Variants in CDH4 observed in about 807,000 individuals in gnomAD.
CDH4 encodes the protein cadherin 4.
CDH4 carries 33 observed loss-of-function variants against 86.0 expected under a neutral mutation model. The observed-to-expected ratio is 0.38, with a 90% CI of 0.29 to 0.51. CDH4 has a LOEUF of 0.51. CDH4 is among the 20% of genes least tolerant of loss of function. The probability of loss-of-function intolerance (pLI) is 0.86; values close to 1 mark genes in which losing one functional copy is unlikely to be tolerated. For missense variants in CDH4, 1,114 were observed against 1,307.4 expected, an observed-to-expected ratio of 0.85 and a Z score of 2.28; for synonymous variants, 555 against 549.4, an observed-to-expected ratio of 1.01 and a Z score of -0.14.
chr20:61,456,290 A>G (rs2085406492), intron 2 of CDH4, among the ~76,000 whole-genome samples: 1 of 152,266 alleles, frequency 6.6e-6, no homozygotes, highest in African/African-American at 2.4e-5. Flanking sequence ...TGTGTTGGCA[A>G]CATGGCGGGT....
rs2087888687 is a variant in CDH4, at chr20:61,711,187, T to C, written c.170-32376T>C. Among the ~76,000 whole-genome samples, 2 of 152,102 alleles carry C rather than the reference T, an allele frequency of 1.3e-5. 1 individual carries two copies. The highest frequency in any genetic ancestry group is 4.2e-4 in the South Asian group (2 of 4,812). ...TGAAACCTGCTGGTTTTATAAGGGG[T>C]TCTTCCCCCTTCACCCAGCACTTCT... is the stretch of plus-strand genomic sequence containing the variant. On this transcript the variant is annotated intron_variant, in intron 2 of 15. Coordinates refer to ENST00000614565, the MANE Select transcript of CDH4 (RefSeq NM_001794.5).
Position 61,932,981 on chromosome 20 carries a change from A to G in CDH4, c.2240-4A>G, listed in dbSNP as rs113364336. 2,300 of 1,610,640 alleles carry G rather than the reference A, an allele frequency of 1.4e-3. 26 individuals are homozygous for G. In the African/African-American group the frequency reaches 0.025, roughly 18 times the overall value. On this transcript the variant is annotated splice_region_variant and splice_polypyrimidine_tract_variant and intron_variant, in intron 13 of 15. Coordinates refer to ENST00000614565, the MANE Select transcript of CDH4 (RefSeq NM_001794.5). The stretch of plus-strand genomic sequence containing the variant: ...CCCTGCTCACGGGCAGCCCTCCCCC[A>G]CAGCCATGGTCCTGCTGTTTGTCAT...
At chr20:61,449,718 C>A (rs2085369965) in intron 2 of CDH4, among the ~76,000 whole-genome samples, 1 of 152,164 alleles carries the variant, frequency 6.6e-6, no homozygotes, top group South Asian at 2.1e-4. Context: ...CCTTTTCTAG[C>A]CTTTATCACT....
intron 3 of CDH4, among the ~76,000 whole-genome samples, chr20:61,755,436 C>A (rs960143897): frequency 5.5e-5 from 8 of 145,862 alleles, no homozygotes; most frequent in African/African-American, 1.8e-4. Context: ...ACGTCACACA[C>A]CACACACACA....
At chr20:61,565,151 A>ATGGGGTGGTGATGGTG (rs1568688178) in intron 2 of CDH4, among the ~76,000 whole-genome samples, 1 of 67,514 alleles carries the variant, frequency 1.5e-5, no homozygotes, top group East Asian at 3.9e-4. Flanking sequence ...TGGTGTTGGT[A>ATGGGGTGGTGATGGTG]GTGGTCCTCT....
chr20:61,521,950 G>A (rs2145628120), intron 2 of CDH4, among the ~76,000 whole-genome samples: 1 of 152,348 alleles, frequency 6.6e-6, no homozygotes, highest in South Asian at 2.1e-4. Context: ...TGCCACAAGT[G>A]AGCATAGATC....
intron 5 of CDH4, among the ~76,000 whole-genome samples, chr20:61,851,471 A>G (rs1019453717): frequency 6.6e-6 from 1 of 152,154 alleles, no homozygotes; most frequent in African/African-American, 2.4e-5. Context: ...CATGTGAGGC[A>G]GGCCACCAAG....
rs191520008 is a variant in CDH4 at position 61,686,412 on chromosome 20, C to T, written c.170-57151C>T. On this transcript the variant is annotated intron_variant, in intron 2 of 15. Transcript: ENST00000614565. ...GTGTGTGCATTCACGTGTGTATGTG[C>T]CTGTACATTTGCGTGTGTATGTGCG... Among the ~76,000 whole-genome samples the T allele has an allele frequency of 3.6e-3, 528 of 147,202 alleles. 2 individuals carry two copies. Among genetic ancestry groups the T allele is most frequent in the Non-Finnish European group, 6.1e-3 (404 of 66,706 alleles).
intron 3 of CDH4, among the ~76,000 whole-genome samples, chr20:61,752,962 T>C (rs546606790): frequency 4.6e-5 from 7 of 152,220 alleles, no homozygotes; most frequent in Non-Finnish European, 5.9e-5. Context: ...ATCATTTTTT[T>C]AGCTGGTGTT....
At chr20:61,348,189 A>G (rs1270469175) in intron 2 of CDH4, among the ~76,000 whole-genome samples, 1 of 152,214 alleles carries the variant, frequency 6.6e-6, no homozygotes, top group Non-Finnish European at 1.5e-5. Flanking sequence ...GCAGTTCCAC[A>G]TGGCTTGGAA....
chr20:61,711,127 A>T (rs996902941), intron 2 of CDH4, among the ~76,000 whole-genome samples: 4 of 152,190 alleles, frequency 2.6e-5, no homozygotes, highest in Non-Finnish European at 5.9e-5. Context: ...GCGATAGTGA[A>T]TGAGTTCTCA....
At chr20:61,888,219 C>A (rs1036221341) in intron 7 of CDH4, among the ~76,000 whole-genome samples, 23 of 152,186 alleles carry the variant, frequency 1.5e-4, no homozygotes, top group Admixed American at 2.6e-4. Flanking sequence ...TGAAATGAGA[C>A]TCCGCAGGCA....
intron 2 of CDH4, among the ~76,000 whole-genome samples, chr20:61,600,790 A>C (rs1285064878): frequency 7.2e-6 from 1 of 139,584 alleles, no homozygotes; most frequent in Non-Finnish European, 1.6e-5. Flanking sequence ...CTATGTAAAT[A>C]GTTAGACTGT....
chr20:61,346,512 G>A (rs1360740121), intron 2 of CDH4, among the ~76,000 whole-genome samples: 1 of 152,164 alleles, frequency 6.6e-6, no homozygotes, highest in Non-Finnish European at 1.5e-5. Flanking sequence ...GGGAGGCTGA[G>A]GCAGGCGGAT....
chr20:61,302,297 G>A (rs569533778), intron 2 of CDH4, among the ~76,000 whole-genome samples: 2 of 152,302 alleles, frequency 1.3e-5, no homozygotes, highest in Non-Finnish European at 2.9e-5. Context: ...TGTGCAGTCC[G>A]TATCCTCACT....
chr20:61,903,321 A>G (rs1627881), intron 8 of CDH4, among the ~76,000 whole-genome samples: 144,684 of 151,982 alleles, frequency 0.95, 68,900 homozygotes, highest in East Asian at 1. Flanking sequence ...CGAGGCGGGC[A>G]GATCACCTGA....
intron 2 of CDH4, among the ~76,000 whole-genome samples, chr20:61,297,608 G>T (rs975015333): frequency 2.0e-5 from 3 of 152,240 alleles, no homozygotes; most frequent in Admixed American, 6.5e-5. Context: ...TCCAAAGCCG[G>T]GGCGGTGCCT....
intron 2 of CDH4, among the ~76,000 whole-genome samples, chr20:61,347,729 G>A (rs2084687719): frequency 2.0e-5 from 3 of 152,186 alleles, no homozygotes; most frequent in South Asian, 2.1e-4. Flanking sequence ...TTTGCGAAGC[G>A]CCAACTCGCC....
intron 2 of CDH4, among the ~76,000 whole-genome samples, chr20:61,649,342 G>A (rs75198093): frequency 0.021 from 3,274 of 152,360 alleles, 132 homozygotes; most frequent in African/African-American, 0.074. Context: ...GCTGGGCTCC[G>A]CTGCCTGGGG....
Sources: allele counts gnomAD v4.1 joint callset (sites outside exome capture counted in the v4.1 genomes callset), GRCh38; gene constraint gnomAD v4.1.1; transcripts MANE v1.5; gene names NCBI Gene and HGNC (gene_info 2026-07-23, HGNC 2026-07-21).